The following GPHN variants were observed in gnomAD, a reference collection of about 807,000 sequenced individuals.
The protein encoded by GPHN is gephyrin.
A neutral mutation model predicts 95.5 loss-of-function variants in GPHN; 17 were observed. That is an observed-to-expected ratio of 0.18 (90% CI 0.12 to 0.27). The LOEUF is 0.27. GPHN is among the 10% of genes least tolerant of loss of function. The pLI, the probability that GPHN is intolerant of heterozygous loss-of-function variation, is 1.00. For synonymous variants in GPHN, 320 were observed against 322.5 expected (o/e 0.99, Z 0.08); for missense variants, 660 against 978.1 (o/e 0.67, Z 4.34).
the GPHN span, among the ~76,000 whole-genome samples, chr14:67,527,612 T>C: frequency 6.6e-6 from 1 of 152,236 alleles, no homozygotes; most frequent in East Asian, 1.9e-4. Flanking sequence ...TTGGTGAAGT[T>C]GCTTCTATTC....
chr14:67,325,152 G>C, the GPHN span, among the ~76,000 whole-genome samples: 1 of 151,812 alleles, frequency 6.6e-6, no homozygotes, highest in Non-Finnish European at 1.5e-5. Context: ...TGATCCACCC[G>C]CCTTGGCCTC....
intron 5 of GPHN, among the ~76,000 whole-genome samples, chr14:66,889,506 T>G (rs954168157): frequency 2.0e-5 from 3 of 151,886 alleles, no homozygotes; most frequent in Non-Finnish European, 4.4e-5. Flanking sequence ...TTAAACACAC[T>G]CAAATAGCCA....
the GPHN span, among the ~76,000 whole-genome samples, chr14:67,575,051 G>A: frequency 1.3e-5 from 2 of 152,174 alleles, no homozygotes; most frequent in African/African-American, 4.8e-5. Context: ...GCTTCAGCCT[G>A]CTGTTTTCCC....
chr14:67,390,743 G>T, the GPHN span: 1 of 1,608,408 alleles, frequency 6.2e-7, no homozygotes, highest in Non-Finnish European at 8.5e-7. Context: ...TTCCTCTTGT[G>T]TCCCTGAGGC....
the GPHN span, chr14:67,321,308 ATAGAG>A: frequency 2.5e-6 from 4 of 1,574,980 alleles, no homozygotes; most frequent in South Asian, 1.1e-5. Context: ...GGAATGTCAT[ATAGAG>A]TAATCTAGTG....
At chr14:66,709,607 G>C (rs2069421901) in intron 2 of GPHN, 1 of 319,508 alleles carries the variant, frequency 3.1e-6, no homozygotes, top group South Asian at 2.6e-5. Context: ...TATTATTTAT[G>C]TCTGGAAGTC....
At chr14:67,001,195 G>T (rs2153610786) in intron 9 of GPHN, among the ~76,000 whole-genome samples, 1 of 151,704 alleles carries the variant, frequency 6.6e-6, no homozygotes, top group Admixed American at 6.6e-5. Context: ...TAGGAATGAA[G>T]AGAGTCCATA....
Position 66,530,953 on chromosome 14 carries a change from A to ATTTTTTT in GPHN, c.64+22376_64+22382dup, listed in dbSNP as rs569763873. On this transcript the variant is annotated intron_variant, in intron 1 of 22. Transcript: ENST00000478722. ...CACTGTTTTCTTGTTTGTTTGTTAG[A>ATTTTTTT]TTTTTTTTTTTTTTTTTTTTGATAC... is the stretch of plus-strand genomic sequence containing the variant. Among the ~76,000 whole-genome samples, 5 of 121,154 alleles carry ATTTTTTT rather than the reference A, an allele frequency of 4.1e-5. 1 individual carries two copies. The highest frequency in any genetic ancestry group is 1.6e-4 in the African/African-American group (5 of 30,702). 79.5% of individuals were successfully genotyped at this position (121,154 alleles called of 152,430 possible).
chr14:67,529,053 T>G, the GPHN span, among the ~76,000 whole-genome samples: 4 of 152,108 alleles, frequency 2.6e-5, no homozygotes. Context: ...TGCTAGTCCT[T>G]TACACCTCTA....
chr14:66,601,387 G>A (rs1045143270), intron 1 of GPHN, among the ~76,000 whole-genome samples: 2 of 151,948 alleles, frequency 1.3e-5, no homozygotes, highest in African/African-American at 4.8e-5. Context: ...TGGCTTATGA[G>A]GATGTAGGAG....
intron 2 of GPHN, among the ~76,000 whole-genome samples, chr14:66,704,613 T>G (rs569674450): frequency 6.6e-6 from 1 of 152,064 alleles, no homozygotes; most frequent in African/African-American, 2.4e-5. Flanking sequence ...TTGAATCCAT[T>G]GAGAACAAAG....
At chr14:66,888,690 G>T (rs1032458197) in intron 5 of GPHN, among the ~76,000 whole-genome samples, 61 of 152,110 alleles carry the variant, frequency 4.0e-4, no homozygotes, top group Non-Finnish European at 8.8e-5. Flanking sequence ...AAGCTATAAG[G>T]CATATGGAAA....
intron 18 of GPHN, among the ~76,000 whole-genome samples, chr14:67,144,229 C>G (rs2080685782): frequency 2.5e-5 from 2 of 79,386 alleles, no homozygotes; most frequent in African/African-American, 1.4e-4. Context: ...ACAGCAAGAC[C>G]CTGTCTTAAA....
At chr14:66,743,241 C>G (rs2072951202) in intron 2 of GPHN, among the ~76,000 whole-genome samples, 3 of 151,846 alleles carry the variant, frequency 2.0e-5, no homozygotes, top group Admixed American at 2.0e-4. Context: ...ATCTTCCCCC[C>G]CACTTTAAAG....
At chr14:66,527,477 G>T (rs761826667) in intron 1 of GPHN, among the ~76,000 whole-genome samples, 1 of 149,552 alleles carries the variant, frequency 6.7e-6, no homozygotes, top group Non-Finnish European at 1.5e-5. Context: ...TCAGTTCTGC[G>T]CTGACCTTAG....
intron 4 of GPHN, among the ~76,000 whole-genome samples, chr14:66,841,983 G>A (rs369106224): frequency 6.6e-6 from 1 of 152,134 alleles, no homozygotes; most frequent in African/African-American, 2.4e-5. Context: ...AACCCAAGAG[G>A]CAAGGTTTGC....
chr14:66,878,503 C>G (rs1425351021), intron 4 of GPHN, among the ~76,000 whole-genome samples: 1 of 152,042 alleles, frequency 6.6e-6, no homozygotes, highest in Non-Finnish European at 1.5e-5. Flanking sequence ...CTATAAAGAA[C>G]TTAAACAAAT....
At chr14:66,865,961 G>A (rs1162649304) in intron 4 of GPHN, among the ~76,000 whole-genome samples, 1 of 152,118 alleles carries the variant, frequency 6.6e-6, no homozygotes, top group Non-Finnish European at 1.5e-5. Flanking sequence ...ATGTATAAAT[G>A]TGCAGTCTCA....
chr14:66,511,565 CA>C (rs2058041868), intron 1 of GPHN, among the ~76,000 whole-genome samples: 2 of 152,146 alleles, frequency 1.3e-5, no homozygotes, highest in East Asian at 3.9e-4. Context: ...GACGTTGTGA[CA>C]TTTTTTATTA....
Sources: gnomAD v4.1 joint callset for allele counts (sites outside exome capture counted in the v4.1 genomes callset) on GRCh38, gnomAD v4.1.1 for gene constraint, MANE v1.5 for transcripts, NCBI Gene and HGNC (gene_info 2026-07-23, HGNC 2026-07-21) for gene names.